The following CDKAL1 variants were observed in gnomAD, a reference collection of about 807,000 sequenced individuals.
The protein encoded by CDKAL1 is CDKAL1 threonylcarbamoyladenosine tRNA methylthiotransferase.
In CDKAL1, 32 loss-of-function variants were observed where a neutral mutation model predicts 68.2. The ratio of observed to expected loss-of-function variants is 0.47; its 90% CI spans 0.35 to 0.63. CDKAL1 has a LOEUF of 0.63. Among genes scored for constraint, CDKAL1 ranks in the 30% least tolerant of loss-of-function variants. The probability of loss-of-function intolerance (pLI) is 0.00; values close to 1 mark genes in which losing one functional copy is unlikely to be tolerated. For missense variants in CDKAL1, 606 were observed against 696.7 expected, an observed-to-expected ratio of 0.87 and a Z score of 1.47; for synonymous variants, 234 against 244.3, an observed-to-expected ratio of 0.96 and a Z score of 0.39.
intron 10 of CDKAL1, among the ~76,000 whole-genome samples, chr6:20,985,357 G>A (rs189186868): frequency 1.6e-3 from 251 of 152,176 alleles, no homozygotes; most frequent in African/African-American, 5.6e-3. Context: ...GCAGTGCTGC[G>A]ATCTCGGCTC....
intron 12 of CDKAL1, among the ~76,000 whole-genome samples, chr6:21,082,587 C>T (rs530438630): frequency 4.6e-5 from 7 of 152,104 alleles, no homozygotes; most frequent in Non-Finnish European, 1.0e-4. Context: ...ACATTTTGAC[C>T]AAACAAGTGT....
At position 21,231,028 on chromosome 6, in the gene CDKAL1, G is replaced by A. The variant is rs1301023238; in HGVS notation, c.1729G>A (p.Val577Ile). 1 of 1,600,108 alleles carries A rather than the reference G, an allele frequency of 6.2e-7. No homozygotes were observed. The change falls in exon 16 of 16, where the codon GTC becomes ATC. Residue 577 changes from valine to isoleucine, a missense_variant. Coordinates refer to ENST00000274695, the MANE Select transcript of CDKAL1 (RefSeq NM_017774.3). ...LGLLFAFFVKVYN is the reference protein window; with the variant it reads ...LGLLFAFFVKIYN Reference sequence around the variant, plus strand: ...TCTTCTTTTTGCTTTTTTTGTCAAGGTCTATAATTAGAATACAACTAATGG... The same window carrying A: ...TCTTCTTTTTGCTTTTTTTGTCAAGATCTATAATTAGAATACAACTAATGG...
In CDKAL1 at chr6:20,715,321, T is replaced by G. The variant is rs569548443; in HGVS notation, c.372-24198T>G. ...ATTTAAGTGAGATGATGCAATATTT[T>G]TCTTTCTGTGTCTGGCTTATTTTAC... On this transcript the variant is annotated intron_variant, in intron 5 of 15. Transcript: ENST00000274695. 2.0e-5 allele frequency among the ~76,000 whole-genome samples: 3 copies of G among 152,328 alleles called. No individual in the cohort carries two copies. In the South Asian group the frequency reaches 6.2e-4, roughly 32 times the overall value.
intron 15 of CDKAL1, among the ~76,000 whole-genome samples, chr6:21,220,118 A>G (rs1199850175): frequency 6.6e-6 from 1 of 152,124 alleles, no homozygotes; most frequent in Non-Finnish European, 1.5e-5. Flanking sequence ...TTCTACTACT[A>G]TCATGAATGT....
At chr6:21,081,569 T>C (rs955573033) in intron 12 of CDKAL1, among the ~76,000 whole-genome samples, 1 of 150,902 alleles carries the variant, frequency 6.6e-6, no homozygotes, top group Non-Finnish European at 1.5e-5. Context: ...TATAATGATA[T>C]ATCTTTTTTT....
chr6:21,174,493 CAA>C lies in CDKAL1; in HGVS notation c.1300-23526_1300-23525del, dbSNP rs201243285. ...TATTATAACTCAACAGAAAAATGGA[CAA>C]AGAGATTCAATAAACACATGAAAAG... is the stretch of plus-strand genomic sequence containing the variant. On this transcript the variant is annotated intron_variant, in intron 13 of 15. Coordinates refer to ENST00000274695, the MANE Select transcript of CDKAL1 (RefSeq NM_017774.3). Among the ~76,000 whole-genome samples the C allele has an allele frequency of 7.9e-3, 1,199 of 152,028 alleles. 12 individuals are homozygous for C. The highest frequency in any genetic ancestry group is 0.027 in the African/African-American group (1,100 of 41,462).
At chr6:20,673,745 T>C (rs969965374) in intron 5 of CDKAL1, among the ~76,000 whole-genome samples, 1 of 152,054 alleles carries the variant, frequency 6.6e-6, no homozygotes, top group Non-Finnish European at 1.5e-5. Context: ...CTGAACAAGC[T>C]CTCTTTTTTC....
intron 2 of CDKAL1, among the ~76,000 whole-genome samples, chr6:20,545,134 T>A (rs181407910): frequency 6.6e-6 from 1 of 152,070 alleles, no homozygotes; most frequent in Non-Finnish European, 1.5e-5. Context: ...TTCTGATTGC[T>A]GGGATCTTTA....
At chr6:20,570,243 A>G (rs1483085470) in intron 4 of CDKAL1, among the ~76,000 whole-genome samples, 3 of 151,712 alleles carry the variant, frequency 2.0e-5, no homozygotes, top group Admixed American at 1.3e-4. Flanking sequence ...AGCTGGGACT[A>G]CAGGCGTATG....
intron 9 of CDKAL1, among the ~76,000 whole-genome samples, chr6:20,896,204 G>A (rs1005071079): frequency 6.8e-5 from 10 of 147,638 alleles, no homozygotes; most frequent in African/African-American, 2.5e-4. Context: ...AGGTTCAAGC[G>A]ATTCTCCTGC....
At chr6:21,149,925 T>A (rs1776332297) in intron 13 of CDKAL1, among the ~76,000 whole-genome samples, 1 of 152,162 alleles carries the variant, frequency 6.6e-6, no homozygotes, top group Non-Finnish European at 1.5e-5. Context: ...TGGCGCTGTC[T>A]CGGCTCAGTG....
In CDKAL1 at chr6:20,642,899, AAACAACAACAACAACAACAAC is replaced by A. The variant is rs79933332; in HGVS notation, c.287-6368_287-6348del. On this transcript the variant is annotated intron_variant, in intron 4 of 15. Coordinates refer to ENST00000274695, the MANE Select transcript of CDKAL1 (RefSeq NM_017774.3). Reference sequence around the variant, plus strand: ...GGGCGACACAGTGAGACTTTGTCTCAAACAACAACAACAACAACAACAACAACAACAACAACAACAACAACA... The same window carrying A: ...GGGCGACACAGTGAGACTTTGTCTCAAACAACAACAACAACAACAACAACA... 7.0e-4 allele frequency among the ~76,000 whole-genome samples: 106 copies of A among 150,390 alleles called. 1 individual carries two copies. The highest frequency in any genetic ancestry group is 2.3e-3 in the African/African-American group (93 of 40,750).
chr6:20,655,026 A>G (rs539967264), intron 5 of CDKAL1, among the ~76,000 whole-genome samples: 5 of 151,588 alleles, frequency 3.3e-5, no homozygotes, highest in South Asian at 2.1e-4. Flanking sequence ...GAGTTATCCA[A>G]CTCTTCTATC....
chr6:20,833,939 C>T lies in CDKAL1; in HGVS notation c.639-12136C>T, dbSNP rs989233268. On this transcript the variant is annotated intron_variant, in intron 8 of 15. Transcript: ENST00000274695. ...ACCAGAAGCAATAGCATCATTTGAA[C>T]GGCAAATTTTTGGGTGTCAGCACAG... 1.5e-3 allele frequency among the ~76,000 whole-genome samples: 229 copies of T among 152,226 alleles called. 1 individual carries two copies. The highest frequency in any genetic ancestry group is 3.1e-4 in the Non-Finnish European group (21 of 68,018).
intron 5 of CDKAL1, among the ~76,000 whole-genome samples, chr6:20,665,301 C>G (rs1769479181): frequency 6.6e-6 from 1 of 151,880 alleles, no homozygotes; most frequent in African/African-American, 2.4e-5. Flanking sequence ...AATCAATTAG[C>G]ACAGTGCTCT....
At chr6:21,028,374 C>T (rs1336387277) in intron 11 of CDKAL1, among the ~76,000 whole-genome samples, 1 of 152,118 alleles carries the variant, frequency 6.6e-6, no homozygotes, top group Non-Finnish European at 1.5e-5. Context: ...ATGCCATAGT[C>T]TGAGTGGCTT....
At chr6:20,924,854 T>A (rs1311924821) in intron 9 of CDKAL1, among the ~76,000 whole-genome samples, 1 of 152,222 alleles carries the variant, frequency 6.6e-6, no homozygotes, top group East Asian at 1.9e-4. Flanking sequence ...TCAATATAGA[T>A]GAAACAGCCT....
intron 8 of CDKAL1, among the ~76,000 whole-genome samples, chr6:20,829,480 A>C (rs114371166): frequency 6.6e-6 from 1 of 152,162 alleles, no homozygotes; most frequent in Non-Finnish European, 1.5e-5. Context: ...TATTAGGCCT[A>C]TTTACTTGCT....
At chr6:20,900,373 T>G (rs1022818624) in intron 9 of CDKAL1, among the ~76,000 whole-genome samples, 2 of 152,246 alleles carry the variant, frequency 1.3e-5, no homozygotes, top group African/African-American at 4.8e-5. Flanking sequence ...TAGTGAAATA[T>G]GTCAGTGCTA....
Sources: allele counts gnomAD v4.1 joint callset (sites outside exome capture counted in the v4.1 genomes callset), GRCh38; gene constraint gnomAD v4.1.1; transcripts MANE v1.5; gene names NCBI Gene and HGNC (gene_info 2026-07-23, HGNC 2026-07-21).